The following SPRY1 variants were observed in gnomAD, a reference collection of about 807,000 sequenced individuals.
SPRY1 encodes protein sprouty homolog 1.
A neutral mutation model predicts 22.6 loss-of-function variants in SPRY1; 20 were observed. The ratio of observed to expected loss-of-function variants is 0.89; its 90% CI spans 0.62 to 1.29. SPRY1 has a LOEUF of 1.29. SPRY1 is among the 50% of genes most tolerant of loss of function. SPRY1 has a pLI of 0.00. For missense variants in SPRY1, 446 were observed against 387.7 expected, an observed-to-expected ratio of 1.15 and a Z score of -1.26; for synonymous variants, 155 against 144.7, an observed-to-expected ratio of 1.07 and a Z score of -0.51.
In SPRY1 at chr4:123,402,112, T is replaced by C. The variant is rs1233487324; in HGVS notation, c.521T>C (p.Leu174Pro). 1 of 1,614,174 alleles carries C rather than the reference T, an allele frequency of 6.2e-7. No homozygotes were observed. The highest frequency in any genetic ancestry group is 2.2e-5 in the East Asian group (1 of 44,878). ...DDLKGSLKEDLTQHKFICEQC... is the reference protein window; with the variant it reads ...DDLKGSLKEDPTQHKFICEQC... ...TTGAAGGGTTCCTTGAAAGAGGACC[T>C]GACACAGCACAAGTTCATTTGTGAA... The change falls in exon 3 of 3, where the codon CTG becomes CCG. Residue 174 changes from leucine to proline, a missense_variant. Leu to Pro is a moderately conservative substitution (Grantham distance 98). Transcript: ENST00000651917.
Position 123,401,768 on chromosome 4 carries a change from G to C in SPRY1, c.177G>C (p.Val59=). 6.2e-7 allele frequency: 1 copy of C among 1,614,190 alleles called. No homozygotes were observed. Among genetic ancestry groups the C allele is most frequent in the Non-Finnish European group, 8.5e-7 (1 of 1,180,028 alleles). The change falls in exon 3 of 3, where the codon GTG becomes GTC. Residue 59 remains valine, a synonymous_variant. Coordinates refer to ENST00000651917, the MANE Select transcript of SPRY1 (RefSeq NM_001258038.2). ...GSNEYTEGPS[V]VKRPAPRTAP... The stretch of plus-strand genomic sequence containing the variant: ...ATGAATACACAGAAGGGCCTTCGGT[G>C]GTGAAAAGACCTGCTCCTCGGACAG...
intron 2 of SPRY1, 98 bp downstream of exon 2, chr4:123,397,954 A>C (rs1378689775): frequency 6.6e-6 from 1 of 151,216 alleles, no homozygotes; most frequent in Non-Finnish European, 1.5e-5. Context: ...TCCGTGACCC[A>C]CCCGCCGACG....
Position 123,401,617 on chromosome 4 carries a change from G to C in SPRY1, c.26G>C (p.Ser9Thr). The C allele has an allele frequency of 6.2e-7, 1 of 1,614,150 alleles. No individual in the cohort carries two copies. The highest frequency in any genetic ancestry group is 8.5e-7 in the Non-Finnish European group (1 of 1,180,030). Residue 9 changes from serine (S) to threonine (T), a missense_variant, in exon 3 of 3, where the codon AGT becomes ACT. Physicochemically the swap from Ser to Thr is moderately conservative, Grantham distance 58. Coordinates refer to ENST00000651917, the MANE Select transcript of SPRY1 (RefSeq NM_001258038.2). ...ATGGATCCCCAAAATCAACATGGCA[G>C]TGGCAGTTCGTTAGTTGTGATCCAG... MDPQNQHG[S>T]GSSLVVIQQP...
chr4:123,398,690 C>A (rs1318276204), intron 2 of SPRY1, among the ~76,000 whole-genome samples: 1 of 152,000 alleles, frequency 6.6e-6, no homozygotes, highest in African/African-American at 2.4e-5. Flanking sequence ...TCCCTGCCCC[C>A]TGGGGGCCGC....
Position 123,402,567 on chromosome 4 carries a change from T to G in SPRY1, c.*16T>G. On this transcript the variant is annotated 3_prime_UTR_variant, in exon 3 of 3. Coordinates refer to ENST00000651917, the MANE Select transcript of SPRY1 (RefSeq NM_001258038.2). The stretch of plus-strand genomic sequence containing the variant: ...ACCATCATGATTTTTGGAGGTGGGT[T>G]GTACCTCCTGAACTTTTAGCTTTCA... 1 of 1,580,588 alleles carries G rather than the reference T, an allele frequency of 6.3e-7. No individual in the cohort carries two copies. Among genetic ancestry groups the G allele is most frequent in the South Asian group, 1.1e-5 (1 of 87,634 alleles).
rs750983063 is a variant in SPRY1 at position 123,401,812 on chromosome 4, A to G, written c.221A>G (p.His74Arg). Residue 74 changes from histidine (H) to arginine (R), a missense_variant, in exon 3 of 3, where the codon CAT (histidine) becomes CGT (arginine). Coordinates refer to ENST00000651917, the MANE Select transcript of SPRY1 (RefSeq NM_001258038.2). ...APRTAPRQEK[H>R]ERTHEIIPIN... ...CGGACAGCACCAAGACAAGAAAAGCATGAAAGGACTCATGAAATCATACCA... is the reference window on the plus strand; with the variant it reads ...CGGACAGCACCAAGACAAGAAAAGCGTGAAAGGACTCATGAAATCATACCA... The G allele has an allele frequency of 3.3e-5, 53 of 1,614,136 alleles. 1 individual carries two copies. The Admixed American group carries it at 8.7e-4, about 26-fold the overall frequency.
rs369054680 is a variant in SPRY1, at chr4:123,401,645, G to A, written c.54G>A (p.Gln18=). 164 of 1,614,012 alleles carry A rather than the reference G, an allele frequency of 1.0e-4. 1 individual carries two copies. Among genetic ancestry groups the A allele is most frequent in the Non-Finnish European group, 1.3e-4 (156 of 1,180,042 alleles). The change falls in exon 3 of 3, where the codon CAG becomes CAA. Residue 18 remains glutamine (Q), a synonymous_variant. Transcript: ENST00000651917. ...GCAGTTCGTTAGTTGTGATCCAGCA[G>A]CCTTCTTTGGATAGCCGTCAGAGAT... The part of the protein sequence containing the change: ...GSGSSLVVIQ[Q]PSLDSRQRLD...
intron 2 of SPRY1, among the ~76,000 whole-genome samples, chr4:123,399,024 C>G (rs1725036417): frequency 1.3e-5 from 2 of 152,182 alleles, no homozygotes; most frequent in African/African-American, 4.8e-5. Flanking sequence ...CCGCAACTTT[C>G]TTCTGGTTTG....
At chr4:123,398,972 G>A (rs1045706846) in intron 2 of SPRY1, among the ~76,000 whole-genome samples, 2 of 152,100 alleles carry the variant, frequency 1.3e-5, no homozygotes, top group Non-Finnish European at 2.9e-5. Flanking sequence ...CCCGGAATTC[G>A]CCGATTACCC....
At chr4:123,397,400 A>G (rs1189393670) in intron 1 of SPRY1, among the ~76,000 whole-genome samples, 1 of 152,170 alleles carries the variant, frequency 6.6e-6, no homozygotes, top group African/African-American at 2.4e-5. Flanking sequence ...TCCAGGGGGC[A>G]AAAGCACCTC....
chr4:123,401,270 C>G (rs1368905192), intron 2 of SPRY1, among the ~76,000 whole-genome samples: 1 of 152,196 alleles, frequency 6.6e-6, no homozygotes, highest in Admixed American at 6.5e-5. Flanking sequence ...GCATTACTTT[C>G]TCCTGATTCT....
rs1477478740 is a variant in SPRY1 at position 123,402,696 on chromosome 4, T to A, written c.*145T>A. On this transcript the variant is annotated 3_prime_UTR_variant, in exon 3 of 3. Transcript: ENST00000651917. Reference sequence around the variant, plus strand: ...TGTTGCCAAGGTCTAACTCATGGATTTTTCTCTTTCCTCATGGATGATCTT... The same window carrying A: ...TGTTGCCAAGGTCTAACTCATGGATATTTCTCTTTCCTCATGGATGATCTT... The A allele has an allele frequency of 9.1e-7, 1 of 1,093,636 alleles. No individual in the cohort carries two copies. The highest frequency in any genetic ancestry group is 1.3e-6 in the Non-Finnish European group (1 of 774,980). 67.7% of individuals were successfully genotyped at this position (1,093,636 alleles called of 1,614,324 possible). A position where few individuals can be genotyped will look rare whatever the true frequency, so the allele number is the denominator to read the frequency against.
chr4:123,398,231 G>GGC (rs1560729822), intron 2 of SPRY1: 5 of 152,216 alleles, frequency 3.3e-5, no homozygotes, highest in African/African-American at 1.2e-4. Flanking sequence ...ACCTCCCGAG[G>GGC]TGGATGTTAC....
At position 123,401,489 on chromosome 4, in the gene SPRY1, C is replaced by T. The variant is rs924983150; in HGVS notation, c.-55-48C>T. On this transcript the variant is annotated intron_variant, in intron 2 of 2. Transcript: ENST00000651917. ...GGATTCCCCCCCCCCAAAAAAAATG[C>T]TTCCTGTCATTTATTTTCTGTTTTT... 1.8e-5 allele frequency: 25 copies of T among 1,385,046 alleles called. No homozygotes were observed. The African/African-American group carries it at 2.5e-4, about 14-fold the overall frequency. 85.8% of individuals were successfully genotyped at this position (1,385,046 alleles called of 1,614,324 possible).
rs1376087650 is a variant in SPRY1, at chr4:123,402,814, T to C, written c.*263T>C. 1 of 534,392 alleles carries C rather than the reference T, an allele frequency of 1.9e-6. No homozygotes were observed. Among genetic ancestry groups the C allele is most frequent in the African/African-American group, 1.9e-5 (1 of 52,574 alleles). The allele number at this position is 534,392 out of a possible 1,614,324, so 33.1% of individuals were successfully genotyped here. A position where few individuals can be genotyped will look rare whatever the true frequency, so the allele number is the denominator to read the frequency against. On this transcript the variant is annotated 3_prime_UTR_variant, in exon 3 of 3. Transcript: ENST00000651917. ...AGGGTATTGAGAGCCAGTGGGCTTT[T>C]GTGTAGCCTTTTTGTTCTGCAAGCA...
In SPRY1 at chr4:123,402,517, G is replaced by A. The variant is rs768290759; in HGVS notation, c.926G>A (p.Ser309Asn). ...AACACTGTCTATTGTAAGCTGGAGAGCTGCCCCTCCCGGGGTCAGGGTAAA... is the reference window on the plus strand; with the variant it reads ...AACACTGTCTATTGTAAGCTGGAGAACTGCCCCTCCCGGGGTCAGGGTAAA... ...NSNTVYCKLE[S>N]CPSRGQGKPS Residue 309 changes from serine to asparagine, a missense_variant, in exon 3 of 3, where the codon AGC becomes AAC. Physicochemically the swap from Ser to Asn is conservative, Grantham distance 46. Coordinates refer to ENST00000651917, the MANE Select transcript of SPRY1 (RefSeq NM_001258038.2). 3 of 1,613,898 alleles carry A rather than the reference G, an allele frequency of 1.9e-6. No homozygotes were observed. The East Asian group carries it at 6.7e-5, about 36-fold the overall frequency.
chr4:123,403,347 G>T lies in SPRY1; in HGVS notation c.*796G>T, dbSNP rs1173844086. ...TGAGGGCACTTGGATAACTCAAGTTGATATTTATAGCTGATCAATCTATAT... is the reference window on the plus strand; with the variant it reads ...TGAGGGCACTTGGATAACTCAAGTTTATATTTATAGCTGATCAATCTATAT... On this transcript the variant is annotated 3_prime_UTR_variant, in exon 3 of 3. Coordinates refer to ENST00000651917, the MANE Select transcript of SPRY1 (RefSeq NM_001258038.2). 1 of 167,042 alleles carries T rather than the reference G, an allele frequency of 6.0e-6. No individual in the cohort carries two copies. Among genetic ancestry groups the T allele is most frequent in the Admixed American group, 6.5e-5 (1 of 15,272 alleles). 10.3% of individuals were successfully genotyped at this position (167,042 alleles called of 1,614,324 possible). A position where few individuals can be genotyped will look rare whatever the true frequency, so the allele number is the denominator to read the frequency against.
rs1261698204 is a variant in SPRY1 at position 123,401,599 on chromosome 4, C to T, written c.8C>T (p.Pro3Leu). Reference protein sequence around the residue: MDPQNQHGSGSSL... With the variant: MDLQNQHGSGSSL... The stretch of plus-strand genomic sequence containing the variant: ...AACTCGAGATCACTACACATGGATC[C>T]CCAAAATCAACATGGCAGTGGCAGT... Residue 3 changes from proline to leucine, a missense_variant, in exon 3 of 3, where the codon CCC (proline) becomes CTC (leucine). By Grantham distance (98) the Pro-to-Leu change is moderately conservative. Transcript: ENST00000651917. 1 of 1,613,938 alleles carries T rather than the reference C, an allele frequency of 6.2e-7. No individual in the cohort carries two copies. Among genetic ancestry groups the T allele is most frequent in the Admixed American group, 1.7e-5 (1 of 60,010 alleles).
At position 123,401,502 on chromosome 4, in the gene SPRY1, ATTTTCTGTTT is replaced by A. The variant is rs2126196417; in HGVS notation, c.-55-29_-55-20del. 6.4e-6 allele frequency: 9 copies of A among 1,415,014 alleles called. No individual in the cohort carries two copies. The South Asian group carries it at 1.1e-4, about 17-fold the overall frequency. The allele number at this position is 1,415,014 out of a possible 1,614,324, so 87.7% of individuals were successfully genotyped here. A position where few individuals can be genotyped will look rare whatever the true frequency, so the allele number is the denominator to read the frequency against. ...CCAAAAAAAATGCTTCCTGTCATTTATTTTCTGTTTTTTTCATCTTTGATTTCGTTTTAGG... is the reference window on the plus strand; with the variant it reads ...CCAAAAAAAATGCTTCCTGTCATTTATTTTCATCTTTGATTTCGTTTTAGG... On this transcript the variant is annotated intron_variant, in intron 2 of 2. Coordinates refer to ENST00000651917, the MANE Select transcript of SPRY1 (RefSeq NM_001258038.2).
Sources: allele counts gnomAD v4.1 joint callset (sites outside exome capture counted in the v4.1 genomes callset), GRCh38; gene constraint gnomAD v4.1.1; transcripts MANE v1.5; gene names NCBI Gene and HGNC (gene_info 2026-07-23, HGNC 2026-07-21).